PIWIL3: variants seen among roughly 807,000 people sequenced by gnomAD.
The protein encoded by PIWIL3 is piwi-like protein 3.
PIWIL3 carries 101 observed loss-of-function variants against 109.7 expected under a neutral mutation model. The ratio of observed to expected loss-of-function variants is 0.92; its 90% CI spans 0.78 to 1.09. The LOEUF (loss-of-function observed/expected upper bound fraction) is 1.09, where lower values mean the gene tolerates loss of function less well. PIWIL3 is among the 50% of genes least tolerant of loss of function. The probability of loss-of-function intolerance (pLI) is 0.00; values close to 1 mark genes in which losing one functional copy is unlikely to be tolerated. For synonymous variants in PIWIL3, 373 were observed against 376.4 expected, an observed-to-expected ratio of 0.99 and a Z score of 0.10; for missense variants, 1,031 against 1,072.6, an observed-to-expected ratio of 0.96 and a Z score of 0.54.
rs183461521 is a variant in PIWIL3 at position 24,771,515 on chromosome 22, C to T, written c.-23+2807G>A. Among the ~76,000 whole-genome samples, 233 of 151,420 alleles carry T rather than the reference C, an allele frequency of 1.5e-3. 1 individual carries two copies. The highest frequency in any genetic ancestry group is 4.9e-3 in the African/African-American group (201 of 41,284). On this transcript the variant is annotated intron_variant, in intron 1 of 20. Coordinates refer to ENST00000616349, the MANE Select transcript of PIWIL3 (RefSeq NM_001255975.1). ...AAAAAGAAAGTTACTTTCCTTTCAG[C>T]ACACTTCACTTCTTGCATTTTGGAT... is the stretch of plus-strand genomic sequence containing the variant.
chr22:24,746,834 G>A (rs1325441017), intron 12 of PIWIL3, among the ~76,000 whole-genome samples: 1 of 151,996 alleles, frequency 6.6e-6, no homozygotes, highest in African/African-American at 2.4e-5. Flanking sequence ...AAACACTGAT[G>A]CAAGAAATTT....
rs897593884 is a variant in PIWIL3, at chr22:24,755,726, C to T, written c.692+58G>A. On this transcript the variant is annotated intron_variant, in intron 6 of 20. Coordinates refer to ENST00000616349, the MANE Select transcript of PIWIL3 (RefSeq NM_001255975.1). ...TAGAAGCAAATGGCTGTATTCCACA[C>T]CACTACACAGTAAAACAACCGAATG... The T allele has an allele frequency of 2.4e-5, 38 of 1,604,256 alleles. No homozygotes were observed. The African/African-American group carries it at 5.1e-4, about 21-fold the overall frequency.
chr22:24,773,600 C>A (rs1433968697), intron 1 of PIWIL3, among the ~76,000 whole-genome samples: 1 of 151,632 alleles, frequency 6.6e-6, no homozygotes, highest in African/African-American at 2.4e-5. Context: ...TTTATCATCA[C>A]GTCAGTTTTA....
chr22:24,730,163 G>A (rs1171926630), intron 14 of PIWIL3, among the ~76,000 whole-genome samples: 5 of 151,860 alleles, frequency 3.3e-5, no homozygotes, highest in South Asian at 4.1e-4. Flanking sequence ...TCAGGAGTTC[G>A]AGACCAGCGT....
Position 24,756,722 on chromosome 22 carries a change from CAT to C in PIWIL3, c.356-19_356-18del. The C allele has an allele frequency of 6.3e-7, 1 of 1,592,786 alleles. No homozygotes were observed. Among genetic ancestry groups the C allele is most frequent in the Non-Finnish European group, 8.6e-7 (1 of 1,162,134 alleles). On this transcript the variant is annotated intron_variant, in intron 4 of 20. Transcript: ENST00000616349. ...CCTCTGAACCTGAAAAATGGAGCCA[CAT>C]GACAATAAAGAAACAGACTGATTGG... is the stretch of plus-strand genomic sequence containing the variant.
intron 1 of PIWIL3, among the ~76,000 whole-genome samples, chr22:24,764,065 C>T (rs1194467227): frequency 6.6e-6 from 1 of 152,190 alleles, no homozygotes; most frequent in Non-Finnish European, 1.5e-5. Flanking sequence ...CCAAAATGGC[C>T]CGGGGAAATA....
chr22:24,761,011 A>T (rs1031414852), intron 2 of PIWIL3, among the ~76,000 whole-genome samples: 4 of 151,912 alleles, frequency 2.6e-5, no homozygotes, highest in African/African-American at 9.7e-5. Flanking sequence ...GAGGTCATGG[A>T]GATAGGATGA....
chr22:24,744,178 T>TTAAAAAAAAAAAAA (rs1924180538), intron 12 of PIWIL3, among the ~76,000 whole-genome samples: 688 of 34,318 alleles, frequency 0.02, 238 homozygotes, highest in South Asian at 0.039. Flanking sequence ...GTGACCGAAT[T>TTAAAAAAAAAAAAA]AAAAAAAAAA....
At chr22:24,751,558 C>T (rs767896938) in intron 8 of PIWIL3, 60 bp from the exon 9 acceptor site, 21 of 1,567,312 alleles carry the variant, frequency 1.3e-5, no homozygotes, top group Non-Finnish European at 1.8e-5. Flanking sequence ...ACCATCCACA[C>T]AGAAAATAGA....
At chr22:24,746,672 T>C (rs1924392731) in intron 12 of PIWIL3, among the ~76,000 whole-genome samples, 1 of 148,354 alleles carries the variant, frequency 6.7e-6, no homozygotes, top group Non-Finnish European at 1.5e-5. Flanking sequence ...TTTAATAAAG[T>C]TGCAGGATAC....
At chr22:24,720,827 T>G (rs963173184) in intron 19 of PIWIL3, among the ~76,000 whole-genome samples, 5 of 152,228 alleles carry the variant, frequency 3.3e-5, no homozygotes, top group African/African-American at 1.2e-4. Flanking sequence ...TTCATTTGTA[T>G]AATTGACAAG....
At chr22:24,731,228 A>C in intron 14 of PIWIL3, among the ~76,000 whole-genome samples, 1 of 152,316 alleles carries the variant, frequency 6.6e-6, no homozygotes, top group South Asian at 2.1e-4. Flanking sequence ...GAATGCCCCA[A>C]ACCTCCATGA....
chr22:24,727,331 TC>T lies in PIWIL3; in HGVS notation c.2009+618del, dbSNP rs546263345. On this transcript the variant is annotated intron_variant, in intron 16 of 20. Transcript: ENST00000616349. ...ATGAGTCATTTGTAATTACATGAGC[TC>T]CTTTAAAAGCAGGGATGTTTTTTCT... Among the ~76,000 whole-genome samples, 297 of 152,338 alleles carry T rather than the reference TC, an allele frequency of 1.9e-3. 2 individuals are homozygous for T. The highest frequency in any genetic ancestry group is 7.0e-3 in the African/African-American group (289 of 41,580).
At chr22:24,730,363 C>CAAAAAAA (rs59306341) in intron 14 of PIWIL3, among the ~76,000 whole-genome samples, 1 of 93,502 alleles carries the variant, frequency 1.1e-5, no homozygotes, top group Non-Finnish European at 1.9e-5. Context: ...GACTCAGTCT[C>CAAAAAAA]AAAAAAAAAA....
chr22:24,737,846 G>C (rs1162406527), intron 12 of PIWIL3, among the ~76,000 whole-genome samples: 1 of 152,134 alleles, frequency 6.6e-6, no homozygotes, highest in Non-Finnish European at 1.5e-5. Context: ...GTGGCCATGG[G>C]GTGAGGCTCC....
chr22:24,764,079 G>A (rs770161416), intron 1 of PIWIL3, among the ~76,000 whole-genome samples: 8 of 152,158 alleles, frequency 5.3e-5, no homozygotes, highest in Admixed American at 6.6e-5. Flanking sequence ...GGAAATACAC[G>A]GACCAGCCCA....
rs956544013 is a variant in PIWIL3, at chr22:24,774,588, A to C, written c.-289T>G. 6.6e-6 allele frequency: 1 copy of C among 152,190 alleles called. No individual in the cohort carries two copies. Among genetic ancestry groups the C allele is most frequent in the Non-Finnish European group, 1.5e-5 (1 of 68,184 alleles). The allele number at this position is 152,190 out of a possible 1,614,324, so 9.4% of individuals were successfully genotyped here. A position where few individuals can be genotyped will look rare whatever the true frequency, so the allele number is the denominator to read the frequency against. On this transcript the variant is annotated 5_prime_UTR_variant, in exon 1 of 21. The change abolishes an upstream ATG in the 5' untranslated region. Transcript: ENST00000616349. Reference sequence around the variant, plus strand: ...TTTGGCAGGCTGAGGCGGGTAGATCATGAGGTCAGGAGATGGAGACCATCC... The same window carrying C: ...TTTGGCAGGCTGAGGCGGGTAGATCCTGAGGTCAGGAGATGGAGACCATCC...
At chr22:24,760,912 C>T (rs867796321) in intron 2 of PIWIL3, among the ~76,000 whole-genome samples, 3 of 150,590 alleles carry the variant, frequency 2.0e-5, no homozygotes, top group Non-Finnish European at 3.0e-5. Flanking sequence ...GCTGTTTGGG[C>T]CAGAGGCCAG....
At chr22:24,727,510 CA>C (rs1601824122) in intron 16 of PIWIL3, among the ~76,000 whole-genome samples, 1 of 152,286 alleles carries the variant, frequency 6.6e-6, no homozygotes, top group East Asian at 1.9e-4. Flanking sequence ...ACAACAACAA[CA>C]AAAACCAGGG....
Sources: allele counts gnomAD v4.1 joint callset (sites outside exome capture counted in the v4.1 genomes callset), GRCh38; gene constraint gnomAD v4.1.1; transcripts MANE v1.5; gene names NCBI Gene and HGNC (gene_info 2026-07-23, HGNC 2026-07-21).